PRKAG2: variants seen among roughly 807,000 people sequenced by gnomAD.
PRKAG2 encodes the protein protein kinase AMP-activated non-catalytic subunit gamma 2, also known as 5'-AMP-activated protein kinase subunit gamma-2.
Under a neutral mutation model 69.6 loss-of-function variants are expected in PRKAG2, and 26 were observed. That is an observed-to-expected ratio of 0.37 (90% CI 0.27 to 0.52). PRKAG2 has a LOEUF of 0.52. Ranked by LOEUF, PRKAG2 falls within the 20% of genes least tolerant of loss-of-function variation. PRKAG2 has a pLI of 0.90. For missense variants in PRKAG2, 557 were observed against 740.0 expected, an observed-to-expected ratio of 0.75 and a Z score of 2.87; for synonymous variants, 293 against 285.0, an observed-to-expected ratio of 1.03 and a Z score of -0.28.
chr7:151,713,240 C>T (rs79533760), intron 3 of PRKAG2, among the ~76,000 whole-genome samples: 1 of 152,234 alleles, frequency 6.6e-6, no homozygotes, highest in Non-Finnish European at 1.5e-5. Context: ...GTTTGCAGAT[C>T]TACATCCCTC....
chr7:151,816,198 C>T (rs1205493236), intron 1 of PRKAG2, among the ~76,000 whole-genome samples: 1 of 152,200 alleles, frequency 6.6e-6, no homozygotes, highest in Non-Finnish European at 1.5e-5. Context: ...GGGTACCAGG[C>T]AATCCAGCTG....
chr7:151,574,321 G>C (rs759785438), intron 8 of PRKAG2, among the ~76,000 whole-genome samples: 7 of 152,180 alleles, frequency 4.6e-5, no homozygotes, highest in Non-Finnish European at 1.0e-4. Context: ...GTTAGATGAA[G>C]GACAAAAGTG....
chr7:151,783,758 G>T (rs1004914408), intron 2 of PRKAG2, among the ~76,000 whole-genome samples: 4 of 151,364 alleles, frequency 2.6e-5, no homozygotes, highest in African/African-American at 9.7e-5. Context: ...AAAAAATACA[G>T]AAATTAGCCA....
intron 3 of PRKAG2, among the ~76,000 whole-genome samples, chr7:151,760,557 C>T (rs2075352864): frequency 6.6e-6 from 1 of 152,134 alleles, no homozygotes; most frequent in African/African-American, 2.4e-5. Context: ...TTTTTAAAAG[C>T]TGGGGACTGC....
At chr7:151,832,229 AAGGAGAGGAGGAGGGAAGGAAGGG>A (rs1275298649) in intron 1 of PRKAG2, among the ~76,000 whole-genome samples, 2 of 46,086 alleles carry the variant, frequency 4.3e-5, no homozygotes, top group Non-Finnish European at 1.0e-4. Flanking sequence ...GGGAGGAGGG[AAGGAGAGGAGGAGGGAAGGAAGGG>A]AGGAGGGAAG....
intron 1 of PRKAG2, among the ~76,000 whole-genome samples, chr7:151,821,481 C>T (rs1303635717): frequency 6.6e-6 from 1 of 152,222 alleles, no homozygotes; most frequent in Non-Finnish European, 1.5e-5. Context: ...TGACCTAAAA[C>T]AGCCTCAATG....
At chr7:151,745,268 G>A (rs985701480) in intron 3 of PRKAG2, among the ~76,000 whole-genome samples, 2 of 152,172 alleles carry the variant, frequency 1.3e-5, no homozygotes, top group Non-Finnish European at 2.9e-5. Context: ...TCCCCTCCGC[G>A]CCGGGGAGCA....
At chr7:151,676,716 T>G (rs1376186751) in intron 3 of PRKAG2, among the ~76,000 whole-genome samples, 6 of 152,164 alleles carry the variant, frequency 3.9e-5, no homozygotes, top group Non-Finnish European at 8.8e-5. Flanking sequence ...AGTGCACAGG[T>G]AGGATGTGAC....
chr7:151,868,865 C>T (rs1025658197), intron 1 of PRKAG2, among the ~76,000 whole-genome samples: 1 of 152,184 alleles, frequency 6.6e-6, no homozygotes, highest in African/African-American at 2.4e-5. Flanking sequence ...AGAAAATAAA[C>T]AGCCAAGAAA....
chr7:151,826,194 T>G (rs11981666), intron 1 of PRKAG2, among the ~76,000 whole-genome samples: 7,436 of 151,824 alleles, frequency 0.049, 371 homozygotes, highest in African/African-American at 0.13. Flanking sequence ...TGTTGTTGTT[T>G]TTTTTTGACA....
intron 1 of PRKAG2, among the ~76,000 whole-genome samples, chr7:151,824,664 G>C (rs935200120): frequency 1.3e-5 from 2 of 152,168 alleles, no homozygotes; most frequent in African/African-American, 4.8e-5. Flanking sequence ...CAAGCACCCA[G>C]ACAGGAACTG....
At chr7:151,823,872 G>A (rs2078850155) in intron 1 of PRKAG2, among the ~76,000 whole-genome samples, 1 of 152,124 alleles carries the variant, frequency 6.6e-6, no homozygotes, top group South Asian at 2.1e-4. Flanking sequence ...TCCCAATTAA[G>A]AACTACTGAA....
At chr7:151,851,561 G>T (rs1035266197) in intron 1 of PRKAG2, among the ~76,000 whole-genome samples, 1 of 152,154 alleles carries the variant, frequency 6.6e-6, no homozygotes, top group Admixed American at 6.5e-5. Flanking sequence ...TCCAGAGTCG[G>T]CTACAGATGG....
chr7:151,709,070 C>T lies in PRKAG2; in HGVS notation c.467-33433G>A, dbSNP rs138214823. On this transcript the variant is annotated intron_variant, in intron 3 of 15. Coordinates refer to ENST00000287878, the MANE Select transcript of PRKAG2 (RefSeq NM_016203.4). ...TGTCACAGTGCATGACATTGAGTGA[C>T]GTGTGTGACACTGACACGTGATATT... is the stretch of plus-strand genomic sequence containing the variant. Among the ~76,000 whole-genome samples, 187 of 152,140 alleles carry T rather than the reference C, an allele frequency of 1.2e-3. 1 individual carries two copies. The highest frequency in any genetic ancestry group is 6.8e-3 in the Middle Eastern group (2 of 294).
intron 1 of PRKAG2, among the ~76,000 whole-genome samples, chr7:151,795,862 T>G (rs949815219): frequency 5.4e-5 from 6 of 110,246 alleles, no homozygotes; most frequent in African/African-American, 1.9e-4. Context: ...TATATATATA[T>G]ATATATATAT....
intron 1 of PRKAG2, among the ~76,000 whole-genome samples, chr7:151,854,204 A>C (rs753261885): frequency 6.6e-6 from 1 of 152,248 alleles, no homozygotes; most frequent in Non-Finnish European, 1.5e-5. Context: ...ATGAGCCTCC[A>C]AGGAGCTTGA....
At chr7:151,772,755 G>A (rs1304157322) in intron 3 of PRKAG2, among the ~76,000 whole-genome samples, 4 of 152,034 alleles carry the variant, frequency 2.6e-5, no homozygotes, top group African/African-American at 9.7e-5. Flanking sequence ...GGAGGCTGAG[G>A]TGGGAGGATC....
intron 5 of PRKAG2, among the ~76,000 whole-genome samples, chr7:151,626,146 C>T (rs1822845380): frequency 6.6e-6 from 1 of 152,170 alleles, no homozygotes; most frequent in Non-Finnish European, 1.5e-5. Flanking sequence ...GATGACTTTC[C>T]AGCTGGTTCC....
intron 6 of PRKAG2, among the ~76,000 whole-genome samples, chr7:151,585,762 G>A (rs1040042682): frequency 1.3e-5 from 2 of 152,216 alleles, no homozygotes; most frequent in African/African-American, 4.8e-5. Flanking sequence ...AGAGCGTGGG[G>A]CACAAGAATG....
Sources: gnomAD v4.1 joint callset for allele counts (sites outside exome capture counted in the v4.1 genomes callset) on GRCh38, gnomAD v4.1.1 for gene constraint, MANE v1.5 for transcripts, NCBI Gene and HGNC (gene_info 2026-07-23, HGNC 2026-07-21) for gene names.